Variants in NEK10 observed in about 807,000 individuals in gnomAD.
NEK10 encodes serine/threonine-protein kinase Nek10.
NEK10 carries 122 observed loss-of-function variants against 159.8 expected under a neutral mutation model. The observed-to-expected ratio is 0.76, with a 90% CI of 0.66 to 0.89. The LOEUF (loss-of-function observed/expected upper bound fraction) is 0.89, where lower values mean the gene tolerates loss of function less well. Among genes scored for constraint, NEK10 ranks in the 40% least tolerant of loss-of-function variants. The pLI is 0.00. For synonymous variants in NEK10, 466 were observed against 457.1 expected (o/e 1.02, Z -0.25); for missense variants, 1,342 against 1,323.1 (o/e 1.01, Z -0.22).
At chr3:27,364,160 GT>G (rs1354567119) in intron 1 of NEK10, among the ~76,000 whole-genome samples, 1 of 151,652 alleles carries the variant, frequency 6.6e-6, no homozygotes, top group African/African-American at 2.4e-5. Context: ...CATTTGAAGA[GT>G]TTGTGTATTT....
Position 27,131,865 on chromosome 3 carries a change from T to C in NEK10, c.3081+15A>G, listed in dbSNP as rs749368858. 7.1e-7 allele frequency: 1 copy of C among 1,413,716 alleles called. No individual in the cohort carries two copies. Among genetic ancestry groups the C allele is most frequent in the South Asian group, 1.2e-5 (1 of 85,348 alleles). 87.6% of individuals were successfully genotyped at this position (1,413,716 alleles called of 1,614,324 possible). On this transcript the variant is annotated intron_variant, in intron 32 of 35. Coordinates refer to ENST00000691995, the MANE Select transcript of NEK10 (RefSeq NM_001394966.1). ...TTTTGTCAGCAAAAGAATTCCTATA[T>C]ATAGAATACCATACCTTTTTAATTT...
chr3:27,247,760 C>T (rs1955217954), intron 23 of NEK10, among the ~76,000 whole-genome samples: 1 of 151,572 alleles, frequency 6.6e-6, no homozygotes, highest in Admixed American at 6.6e-5. Context: ...TGGTCTTAAA[C>T]TCCTGCACTC....
intron 32 of NEK10, among the ~76,000 whole-genome samples, chr3:27,126,283 GA>G (rs1941937378): frequency 6.6e-6 from 1 of 152,118 alleles, no homozygotes; most frequent in African/African-American, 2.4e-5. Flanking sequence ...ATGCCTACAG[GA>G]AGCAATCTGG....
Position 27,291,493 on chromosome 3 carries a change from A to G in NEK10, c.1467T>C (p.Asn489=). The G allele has an allele frequency of 6.2e-7, 1 of 1,608,236 alleles. No homozygotes were observed. Among genetic ancestry groups the G allele is most frequent in the Non-Finnish European group, 8.5e-7 (1 of 1,174,672 alleles). ...AAAACTCAGGACTTACCACTAATAA[A>G]TTCAGCTTGGATACCAATTCTTCAT... ...SAYEELVSKL[N]LLVEDELKQI... The change falls in exon 17 of 36, where the codon AAT becomes AAC. Residue 489 remains asparagine, a synonymous_variant. Transcript: ENST00000691995.
At chr3:27,273,541 A>T (rs2041538986) in intron 22 of NEK10, among the ~76,000 whole-genome samples, 1 of 152,208 alleles carries the variant, frequency 6.6e-6, no homozygotes, top group African/African-American at 2.4e-5. Flanking sequence ...TCACATAGTA[A>T]ATGCTCAAGG....
At chr3:27,154,267 G>A (rs1028953395) in intron 30 of NEK10, among the ~76,000 whole-genome samples, 1 of 152,082 alleles carries the variant, frequency 6.6e-6, no homozygotes, top group African/African-American at 2.4e-5. Flanking sequence ...TAGTTACCCT[G>A]AACAGACCTA....
chr3:27,301,827 T>C lies in NEK10; in HGVS notation c.1037A>G (p.Asn346Ser), dbSNP rs1473046891. The C allele has an allele frequency of 6.4e-7, 1 of 1,551,640 alleles. No homozygotes were observed. The highest frequency in any genetic ancestry group is 8.7e-7 in the Non-Finnish European group (1 of 1,146,786). The change falls in exon 13 of 36, where the codon AAT becomes AGT. Residue 346 changes from asparagine (N) to serine (S), a missense_variant. Transcript: ENST00000691995. ...QLLHILQGDRNFVSDHSSIGS... is the reference protein window; with the variant it reads ...QLLHILQGDRSFVSDHSSIGS... ...AATGGAGGAGTGATCAGAAACAAAA[T>C]TTCTGTCTCTGAAAAAGAAAAGTTA...
At chr3:27,323,611 A>C (rs2045809161) in intron 5 of NEK10, among the ~76,000 whole-genome samples, 1 of 152,092 alleles carries the variant, frequency 6.6e-6, no homozygotes, top group South Asian at 2.1e-4. Flanking sequence ...GGGGAAAAAA[A>C]AACCTGGATT....
intron 5 of NEK10, 95 bp downstream of exon 5, chr3:27,344,177 C>G: frequency 1.6e-6 from 1 of 642,766 alleles, no homozygotes; most frequent in Non-Finnish European, 2.7e-6. Flanking sequence ...ATGACATGTT[C>G]AATCCTGTAA....
intron 4 of NEK10, among the ~76,000 whole-genome samples, chr3:27,344,694 G>A (rs1559536294): frequency 6.6e-6 from 1 of 152,110 alleles, no homozygotes; most frequent in South Asian, 2.1e-4. Flanking sequence ...GGAAGAAAAG[G>A]GTAAATGGAG....
intron 3 of NEK10, among the ~76,000 whole-genome samples, chr3:27,347,935 T>G (rs529330611): frequency 9.2e-5 from 14 of 152,316 alleles, no homozygotes; most frequent in African/African-American, 2.9e-4. Context: ...ACTCTAGGGT[T>G]ATGAAAATTG....
At chr3:27,267,073 A>G (rs2040957566) in intron 22 of NEK10, among the ~76,000 whole-genome samples, 1 of 152,218 alleles carries the variant, frequency 6.6e-6, no homozygotes, top group Non-Finnish European at 1.5e-5. Flanking sequence ...AGTTAGTCTC[A>G]GGAGCACCCA....
intron 6 of NEK10, among the ~76,000 whole-genome samples, chr3:27,316,235 G>A (rs1414538091): frequency 3.3e-5 from 5 of 152,140 alleles, no homozygotes; most frequent in African/African-American, 9.7e-5. Flanking sequence ...GATGGGGAGC[G>A]TATCAACTGG....
rs1263357589 is a variant in NEK10, at chr3:27,329,198, G to C, written c.363-6937C>G. Among the ~76,000 whole-genome samples, 3 of 152,156 alleles carry C rather than the reference G, an allele frequency of 2.0e-5. No homozygotes were observed. In the East Asian group the frequency reaches 5.8e-4, roughly 29 times the overall value. ...GCCTGCTGCCATCCATGTAAGACATGAATTGCTCCTCCTTGCCTTCTGCCA... is the reference window on the plus strand; with the variant it reads ...GCCTGCTGCCATCCATGTAAGACATCAATTGCTCCTCCTTGCCTTCTGCCA... On this transcript the variant is annotated intron_variant, in intron 5 of 35. Transcript: ENST00000691995.
chr3:27,161,490 G>A (rs1946006875), intron 30 of NEK10, among the ~76,000 whole-genome samples: 1 of 152,132 alleles, frequency 6.6e-6, no homozygotes, highest in South Asian at 2.1e-4. Flanking sequence ...AAGCTGAAGT[G>A]AAAATAGCAT....
intron 23 of NEK10, among the ~76,000 whole-genome samples, chr3:27,248,936 A>C (rs1469206696): frequency 6.6e-6 from 1 of 152,116 alleles, no homozygotes; most frequent in Non-Finnish European, 1.5e-5. Context: ...GGTCTGTCCA[A>C]TGCTATGGGG....
rs972727190 is a variant in NEK10, at chr3:27,109,661, G to T, written c.*1611C>A. Among the ~76,000 whole-genome samples the T allele has an allele frequency of 6.6e-6, 1 of 152,102 alleles. No individual in the cohort carries two copies. Among genetic ancestry groups the T allele is most frequent in the African/African-American group, 2.4e-5 (1 of 41,434 alleles). On this transcript the variant is annotated 3_prime_UTR_variant, in exon 36 of 36. Transcript: ENST00000691995. ...AATGTGCCCCTTTCATACACTGAAA[G>T]ATAAAAAGAATTATAAGTGCAGGTT...
intron 5 of NEK10, among the ~76,000 whole-genome samples, chr3:27,335,122 T>C (rs1308488602): frequency 6.6e-6 from 1 of 152,084 alleles, no homozygotes; most frequent in Non-Finnish European, 1.5e-5. Flanking sequence ...GTGGATCACC[T>C]GAGGTCAGGA....
At chr3:27,128,040 G>C (rs1221093915) in intron 32 of NEK10, among the ~76,000 whole-genome samples, 1 of 152,104 alleles carries the variant, frequency 6.6e-6, no homozygotes, top group Non-Finnish European at 1.5e-5. Context: ...TAGATAGCTA[G>C]ATCCAGAGCA....
Sources: gnomAD v4.1 joint callset for allele counts (sites outside exome capture counted in the v4.1 genomes callset) on GRCh38, gnomAD v4.1.1 for gene constraint, MANE v1.5 for transcripts, NCBI Gene and HGNC (gene_info 2026-07-23, HGNC 2026-07-21) for gene names.